Variants in EIF3K observed in about 807,000 individuals in gnomAD.
EIF3K encodes the protein eIF-3 p28.
In EIF3K, 27 loss-of-function variants were observed where a neutral mutation model predicts 34.2. The ratio of observed to expected loss-of-function variants is 0.79; its 90% confidence interval spans 0.58 to 1.09. The LOEUF is 1.09. Among genes scored for constraint, EIF3K ranks in the 50% least tolerant of loss-of-function variants. The pLI is 0.00. For synonymous variants in EIF3K, 105 were observed against 105.7 expected (o/e 0.99, Z 0.04); for missense variants, 232 against 275.4 (o/e 0.84, Z 1.11).
At position 38,619,224 on chromosome 19, in the gene EIF3K, G is replaced by C. The variant is rs372381183; in HGVS notation, c.-45G>C. On this transcript the variant is annotated 5_prime_UTR_variant, in exon 1 of 8. Transcript: ENST00000248342. ...CCCGTCCTTGAGGACGCCGTGCCGG[G>C]TCAGTGTTAGCCTCCAGCCCTGGTT... The C allele has an allele frequency of 6.2e-7, 1 of 1,605,346 alleles. No individual in the cohort carries two copies. The highest frequency in any genetic ancestry group is 1.7e-5 in the Admixed American group (1 of 59,770).
chr19:38,629,453 G>A (rs561092641), intron 4 of EIF3K, among the ~76,000 whole-genome samples: 8 of 152,066 alleles, frequency 5.3e-5, no homozygotes, highest in Non-Finnish European at 1.2e-4. Flanking sequence ...ACGCCAACAC[G>A]CCTGGCTAAT....
intron 4 of EIF3K, among the ~76,000 whole-genome samples, chr19:38,627,905 C>CTTTTTTT (rs60551864): frequency 0.083 from 11,537 of 139,772 alleles, 1,045 homozygotes; most frequent in African/African-American, 0.22. Flanking sequence ...ATTTTCTTTC[C>CTTTTTTT]TTTTTTTTTT....
intron 7 of EIF3K, among the ~76,000 whole-genome samples, chr19:38,636,549 C>T (rs915662277): frequency 2.0e-5 from 3 of 152,142 alleles, no homozygotes; most frequent in African/African-American, 7.2e-5. Context: ...TAATTACAAA[C>T]AACACTTCCT....
At position 38,621,945 on chromosome 19, in the gene EIF3K, G is replaced by T. The variant is rs369767890; in HGVS notation, c.158+1510G>T. The stretch of plus-strand genomic sequence containing the variant: ...TTTTTTGGAGACAGGATCTTCTGTT[G>T]CCCAGGCTGGAGTACAGTGGCACAG... On this transcript the variant is annotated intron_variant, in intron 2 of 7. Coordinates refer to ENST00000248342, the MANE Select transcript of EIF3K (RefSeq NM_013234.4). Among the ~76,000 whole-genome samples, 56 of 112,642 alleles carry T rather than the reference G, an allele frequency of 5.0e-4. No individual in the cohort carries two copies. In the East Asian group the frequency reaches 6.8e-3, roughly 14 times the overall value. The allele number at this position is 112,642 out of a possible 152,430, so 73.9% of individuals were successfully genotyped here.
intron 4 of EIF3K, among the ~76,000 whole-genome samples, chr19:38,626,964 C>G (rs979132727): frequency 6.6e-6 from 1 of 152,090 alleles, no homozygotes; most frequent in Non-Finnish European, 1.5e-5. Flanking sequence ...TCATGCCCAA[C>G]TAAATTTTAT....
At chr19:38,628,306 T>C (rs1039651401) in intron 4 of EIF3K, among the ~76,000 whole-genome samples, 1 of 152,190 alleles carries the variant, frequency 6.6e-6, no homozygotes, top group African/African-American at 2.4e-5. Flanking sequence ...TTTAAAAGGT[T>C]ACCCTGGGTG....
chr19:38,623,080 T>G (rs1001790663), intron 2 of EIF3K, among the ~76,000 whole-genome samples: 4 of 152,174 alleles, frequency 2.6e-5, no homozygotes, highest in Non-Finnish European at 5.9e-5. Flanking sequence ...GATTAAGAGA[T>G]TAAAGTAAAG....
At chr19:38,629,080 TTTTA>T (rs1166596130) in intron 4 of EIF3K, among the ~76,000 whole-genome samples, 1 of 152,064 alleles carries the variant, frequency 6.6e-6, no homozygotes, top group South Asian at 2.1e-4. Flanking sequence ...TTCTTAAACA[TTTTA>T]TTTTTTATTC....
At chr19:38,621,641 A>G (rs1030519709) in intron 2 of EIF3K, among the ~76,000 whole-genome samples, 1 of 152,200 alleles carries the variant, frequency 6.6e-6, no homozygotes, top group Non-Finnish European at 1.5e-5. Flanking sequence ...ATGCATGCAT[A>G]CATCTGGCTC....
chr19:38,625,978 T>G, intron 3 of EIF3K, 50 bp from the exon 4 acceptor site: 1 of 1,572,222 alleles, frequency 6.4e-7, no homozygotes, highest in East Asian at 2.2e-5. Flanking sequence ...TGATCTGGGG[T>G]CCAACCTTAC....
chr19:38,636,887 A>G lies in EIF3K; in HGVS notation c.626-2A>G. ...TTCAGTCTGGTCTCTCCTTCCCCAC[A>G]GGTGTGTCCAGCATCATGGCCTCCT... On this transcript the variant is annotated splice_acceptor_variant, in intron 7 of 7. Coordinates refer to ENST00000248342, the MANE Select transcript of EIF3K (RefSeq NM_013234.4). LOFTEE classifies it high-confidence loss of function. 1 of 1,614,080 alleles carries G rather than the reference A, an allele frequency of 6.2e-7. No homozygotes were observed. Among genetic ancestry groups the G allele is most frequent in the Non-Finnish European group, 8.5e-7 (1 of 1,180,012 alleles).
chr19:38,620,015 G>A (rs1466858914), intron 1 of EIF3K, among the ~76,000 whole-genome samples: 1 of 152,222 alleles, frequency 6.6e-6, no homozygotes, highest in African/African-American at 2.4e-5. Flanking sequence ...CTGAACAGGG[G>A]AGGAAGGGGT....
At chr19:38,619,414 G>C in intron 1 of EIF3K, 87 bp downstream of exon 1, 1 of 1,488,958 alleles carries the variant, frequency 6.7e-7, no homozygotes, top group Non-Finnish European at 9.2e-7. Context: ...TCAGGGTCCT[G>C]GGCTTGCCGC....
At chr19:38,635,478 T>G (rs1312501009) in intron 7 of EIF3K, 2 of 363,990 alleles carry the variant, frequency 5.5e-6, no homozygotes, top group African/African-American at 4.1e-5. Flanking sequence ...AGACTTGGAA[T>G]CCGGTGAACA....
intron 6 of EIF3K, among the ~76,000 whole-genome samples, chr19:38,634,791 C>T (rs1976153166): frequency 6.6e-6 from 1 of 152,136 alleles, no homozygotes; most frequent in African/African-American, 2.4e-5. Flanking sequence ...TCACAGGCTC[C>T]CTCTGGCGGC....
In EIF3K at chr19:38,626,002, TTTTCCTTAATGC is replaced by T. The variant is rs1975941890; in HGVS notation, c.280-23_280-12del. 1 of 1,613,500 alleles carries T rather than the reference TTTTCCTTAATGC, an allele frequency of 6.2e-7. No individual in the cohort carries two copies. The highest frequency in any genetic ancestry group is 8.5e-7 in the Non-Finnish European group (1 of 1,179,588). ...GTCCAACCTTACGCTCCGAGGCCAG[TTTTCCTTAATGC>T]TTCCTCCTCCCAGCAAGAAGAACGG... On this transcript the variant is annotated splice_polypyrimidine_tract_variant and intron_variant, in intron 3 of 7. Coordinates refer to ENST00000248342, the MANE Select transcript of EIF3K (RefSeq NM_013234.4).
chr19:38,623,613 G>A (rs1312691152), intron 2 of EIF3K, among the ~76,000 whole-genome samples: 10 of 73,532 alleles, frequency 1.4e-4, no homozygotes, highest in African/African-American at 3.6e-4. Flanking sequence ...CACCCCCACC[G>A]CCACCTTCTG....
At position 38,619,345 on chromosome 19, in the gene EIF3K, G is replaced by C. The variant is rs760094887; in HGVS notation, c.59+18G>C. 9.9e-6 allele frequency: 16 copies of C among 1,613,370 alleles called. No homozygotes were observed. The Admixed American group carries it at 2.2e-4, about 22-fold the overall frequency. Reference sequence around the variant, plus strand: ...ATCGACAGGTCTGAGCCCGGTTGGAGGAAGCGCTCTGGCCAAGCGGGGCGG... The same window carrying C: ...ATCGACAGGTCTGAGCCCGGTTGGACGAAGCGCTCTGGCCAAGCGGGGCGG... On this transcript the variant is annotated intron_variant, in intron 1 of 7. Coordinates refer to ENST00000248342, the MANE Select transcript of EIF3K (RefSeq NM_013234.4).
intron 4 of EIF3K, among the ~76,000 whole-genome samples, chr19:38,628,190 C>T (rs1374397808): frequency 6.6e-6 from 1 of 152,084 alleles, no homozygotes; most frequent in Non-Finnish European, 1.5e-5. Flanking sequence ...AGGTGTCAGC[C>T]ACCACGCCCG....
Sources: gnomAD v4.1 joint callset for allele counts (sites outside exome capture counted in the v4.1 genomes callset) on GRCh38, gnomAD v4.1.1 for gene constraint, MANE v1.5 for transcripts, NCBI Gene and HGNC (gene_info 2026-07-23, HGNC 2026-07-21) for gene names.